Variants in KCNAB2 observed in about 807,000 individuals in gnomAD.
KCNAB2 encodes potassium voltage-gated channel subfamily A regulatory beta subunit 2.
In KCNAB2, 29 loss-of-function variants were observed where a neutral mutation model predicts 63.6. That is an observed-to-expected ratio of 0.46 (90% CI 0.34 to 0.62). The LOEUF (loss-of-function observed/expected upper bound fraction) is 0.62. Ranked by LOEUF, KCNAB2 falls within the 20% of genes least tolerant of loss-of-function variation. The probability of loss-of-function intolerance (pLI) is 0.01; values close to 1 mark genes in which losing one functional copy is unlikely to be tolerated. For missense variants in KCNAB2, 359 were observed against 563.9 expected, an observed-to-expected ratio of 0.64 and a Z score of 3.68; for synonymous variants, 222 against 224.2, an observed-to-expected ratio of 0.99 and a Z score of 0.09.
In KCNAB2 at chr1:6,038,243, T is replaced by C. The variant is rs562465441; in HGVS notation, c.-52-2274T>C. On this transcript the variant is annotated intron_variant, in intron 1 of 15. Transcript: ENST00000164247. ...CCAAGCCCCACCACTTCCTCTGAGG[T>C]TAGCATAGTGCTGGATCTTCTCTGC... Among the ~76,000 whole-genome samples, 8 of 152,066 alleles carry C rather than the reference T, an allele frequency of 5.3e-5. No individual in the cohort carries two copies. In the South Asian group the frequency reaches 1.7e-3, roughly 32 times the overall value.
At chr1:6,091,802 G>T (rs1665211185) in intron 10 of KCNAB2, among the ~76,000 whole-genome samples, 1 of 152,204 alleles carries the variant, frequency 6.6e-6, no homozygotes, top group Non-Finnish European at 1.5e-5. Flanking sequence ...TTGTCACGCT[G>T]CCCCGTCCAC....
At chr1:6,037,416 A>G (rs1212578910) in intron 1 of KCNAB2, among the ~76,000 whole-genome samples, 1 of 152,134 alleles carries the variant, frequency 6.6e-6, no homozygotes, top group African/African-American at 2.4e-5. Flanking sequence ...CATCCATGGG[A>G]GGGCTCCCTG....
intron 4 of KCNAB2, among the ~76,000 whole-genome samples, chr1:6,080,086 C>G (rs1175302264): frequency 6.6e-6 from 1 of 152,182 alleles, no homozygotes; most frequent in East Asian, 1.9e-4. Context: ...AATATAAAAA[C>G]AGAAAACGGA....
upstream of KCNAB2, among the ~76,000 whole-genome samples, chr1:6,029,983 C>T (rs944111050): frequency 1.3e-5 from 2 of 152,182 alleles, no homozygotes; most frequent in Non-Finnish European, 2.9e-5. Context: ...AGGAAGGTTC[C>T]GGCCAGCTCA....
At chr1:6,083,443 C>T (rs115593356) in intron 5 of KCNAB2, among the ~76,000 whole-genome samples, 59 of 152,324 alleles carry the variant, frequency 3.9e-4, no homozygotes, top group African/African-American at 1.2e-3. Context: ...TTCCATGTTC[C>T]CCTGTTTAAC....
intron 5 of KCNAB2, among the ~76,000 whole-genome samples, chr1:6,084,614 G>T (rs530716213): frequency 2.0e-5 from 3 of 152,122 alleles, no homozygotes; most frequent in South Asian, 2.1e-4. Context: ...TGAGGAGTTC[G>T]AGACCAGCCT....
upstream of KCNAB2, among the ~76,000 whole-genome samples, chr1:6,034,016 G>A (rs1310321823): frequency 6.6e-6 from 1 of 152,110 alleles, no homozygotes; most frequent in Non-Finnish European, 1.5e-5. Context: ...CCCCTCTTGG[G>A]TCTGGTGTGT....
rs1440310291 is a variant in KCNAB2 at position 6,069,654 on chromosome 1, A to G, written c.219-3101A>G. On this transcript the variant is annotated intron_variant, in intron 2 of 15. Coordinates refer to ENST00000378083, the MANE Select transcript of KCNAB2 (RefSeq NM_001199862.2). This position sits in a 1 kb window ranked among gnomAD's most constrained non-coding sequence, Gnocchi z 5.4. The stretch of plus-strand genomic sequence containing the variant: ...GGAAGTTTCAAGTACAGCAGGGAGC[A>G]GCCCCATCCAGACCCGGCTGAGACG... Among the ~76,000 whole-genome samples, 1 of 152,222 alleles carries G rather than the reference A, an allele frequency of 6.6e-6. No homozygotes were observed. The highest frequency in any genetic ancestry group is 1.5e-5 in the Non-Finnish European group (1 of 68,042).
upstream of KCNAB2, among the ~76,000 whole-genome samples, chr1:6,032,747 C>T (rs1192472385): frequency 1.3e-5 from 2 of 152,158 alleles, no homozygotes; most frequent in East Asian, 1.9e-4. Flanking sequence ...CTTGCTTGTT[C>T]GCCCCTGCCT....
intron 1 of KCNAB2, among the ~76,000 whole-genome samples, chr1:6,008,756 C>T (rs904387349): frequency 2.0e-5 from 3 of 152,160 alleles, no homozygotes; most frequent in South Asian, 2.1e-4. Flanking sequence ...GCCCCCGAAC[C>T]ACCACCCCAG....
chr1:6,044,667 C>T (rs1204668504), upstream of KCNAB2, among the ~76,000 whole-genome samples: 1 of 152,022 alleles, frequency 6.6e-6, no homozygotes, highest in Non-Finnish European at 1.5e-5. Context: ...GGTGTTTGAG[C>T]AGGGCAGGGG....
chr1:6,005,774 G>T (rs72630653), intron 1 of KCNAB2, among the ~76,000 whole-genome samples: 2 of 151,898 alleles, frequency 1.3e-5, no homozygotes, highest in Admixed American at 6.5e-5. Context: ...GCAGATGGGG[G>T]TCTCCCTGCC....
Position 6,028,368 on chromosome 1 carries a change from T to C in KCNAB2, c.-52-12149T>C, listed in dbSNP as rs192426030. ...GGCACGCAGAACAAGCAGACCATGG[T>C]TTTGTGTTATACAGTAGTCACGGCA... On this transcript the variant is annotated intron_variant, in intron 1 of 16. Coordinates refer to the KCNAB2 transcript ENST00000341524. This position sits in a 1 kb window ranked among gnomAD's most constrained non-coding sequence, Gnocchi z 4.0. Among the ~76,000 whole-genome samples the C allele has an allele frequency of 2.0e-3, 301 of 152,220 alleles. No individual in the cohort carries two copies. Among genetic ancestry groups the C allele is most frequent in the African/African-American group, 6.9e-3 (285 of 41,516 alleles).
At chr1:6,017,370 G>C (rs972368507) in intron 1 of KCNAB2, among the ~76,000 whole-genome samples, 5 of 151,758 alleles carry the variant, frequency 3.3e-5, no homozygotes, top group African/African-American at 1.2e-4. Flanking sequence ...GGCCTCCCAG[G>C]TTGCTGGGAC....
intron 2 of KCNAB2, among the ~76,000 whole-genome samples, chr1:6,058,668 A>T (rs2100576223): frequency 6.6e-6 from 1 of 152,220 alleles, no homozygotes; most frequent in East Asian, 1.9e-4. Flanking sequence ...TTGGGGTCTC[A>T]CTCGTGCACC....
rs141866219 is a variant in KCNAB2 at position 6,079,175 on chromosome 1, C to T, written c.301-3020C>T. Among the ~76,000 whole-genome samples, 199 of 152,308 alleles carry T rather than the reference C, an allele frequency of 1.3e-3. 2 individuals carry two copies. Among genetic ancestry groups the T allele is most frequent in the African/African-American group, 4.6e-3 (193 of 41,558 alleles). On this transcript the variant is annotated intron_variant, in intron 4 of 15. Coordinates refer to ENST00000378083, the MANE Select transcript of KCNAB2 (RefSeq NM_001199862.2). ...GCAGGCTGCCCTCCCTGGCCCACACCAGCCCCAGGGCCTAGAGTGCCCCTC... is the reference window on the plus strand; with the variant it reads ...GCAGGCTGCCCTCCCTGGCCCACACTAGCCCCAGGGCCTAGAGTGCCCCTC...
At chr1:6,072,602 G>C (rs1663299655) in intron 2 of KCNAB2, among the ~76,000 whole-genome samples, 153 bp from the exon 3 acceptor site, 1 of 152,214 alleles carries the variant, frequency 6.6e-6, no homozygotes, top group Admixed American at 6.5e-5. Flanking sequence ...GTGAGCAGAG[G>C]CACCTCTCTG....
At chr1:6,085,001 G>A (rs1441786524) in intron 5 of KCNAB2, among the ~76,000 whole-genome samples, 2 of 152,194 alleles carry the variant, frequency 1.3e-5, no homozygotes, top group African/African-American at 2.4e-5. Flanking sequence ...ATCCTAGTGG[G>A]GGGCAATAAC....
Position 6,071,868 on chromosome 1 carries a change from T to TGGGCTCCTCCTGCCGCGTA in KCNAB2, c.219-860_219-842dup, listed in dbSNP as rs1483379128. On this transcript the variant is annotated intron_variant, in intron 2 of 15. Coordinates refer to ENST00000378083, the MANE Select transcript of KCNAB2 (RefSeq NM_001199862.2). This position sits in a 1 kb window ranked among gnomAD's most constrained non-coding sequence, Gnocchi z 8.5. ...TGCCGCGAGGGCACCTCCTGCCGCGTGGGCTCCTCCTGCCGCGTAGGGCTC... is the reference window on the plus strand; with the variant it reads ...TGCCGCGAGGGCACCTCCTGCCGCGTGGGCTCCTCCTGCCGCGTAGGGCTCCTCCTGCCGCGTAGGGCTC... 6.3e-4 allele frequency among the ~76,000 whole-genome samples: 94 copies of TGGGCTCCTCCTGCCGCGTA among 148,166 alleles called. No individual in the cohort carries two copies. The highest frequency in any genetic ancestry group is 9.0e-4 in the African/African-American group (36 of 39,944).
Sources: allele counts gnomAD v4.1 joint callset (sites outside exome capture counted in the v4.1 genomes callset), GRCh38; gene constraint gnomAD v4.1.1; non-coding constraint Gnocchi (gnomAD v3.1); transcripts MANE v1.5; gene names NCBI Gene and HGNC (gene_info 2026-07-23, HGNC 2026-07-21).